Variants in EPS15L1 observed in about 807,000 individuals in gnomAD.
The protein encoded by EPS15L1 is epidermal growth factor receptor pathway substrate 15 like 1.
EPS15L1 carries 43 observed loss-of-function variants against 117.1 expected under a neutral mutation model. That is an observed-to-expected ratio of 0.37 (90% CI 0.29 to 0.47). The LOEUF (loss-of-function observed/expected upper bound fraction) is 0.47. Among genes scored for constraint, EPS15L1 ranks in the 20% least tolerant of loss-of-function variants. The pLI is 0.99. For synonymous variants in EPS15L1, 459 were observed against 470.5 expected (o/e 0.98, Z 0.32); for missense variants, 981 against 1,164.0 (o/e 0.84, Z 2.29).
In EPS15L1 at chr19:16,437,005, AAG is replaced by A. The variant is rs1568450480; in HGVS notation, c.310-8_310-7del. On this transcript the variant is annotated splice_polypyrimidine_tract_variant and splice_region_variant and intron_variant, in intron 5 of 23. Transcript: ENST00000455140. ...AGAGGGCTGCTGGTGTCGTGCTGAG[AAG>A]AGAGAGAAACATTCCTTTGTGGCTG... 3.1e-6 allele frequency: 5 copies of A among 1,613,568 alleles called. No individual in the cohort carries two copies. The highest frequency in any genetic ancestry group is 4.2e-6 in the Non-Finnish European group (5 of 1,179,508).
At chr19:16,456,485 T>A (rs1359999746) in intron 1 of EPS15L1, among the ~76,000 whole-genome samples, 2 of 151,968 alleles carry the variant, frequency 1.3e-5, no homozygotes, top group Admixed American at 6.6e-5. Flanking sequence ...GGTGAAACTC[T>A]ATCTCTACTA....
intron 10 of EPS15L1, among the ~76,000 whole-genome samples, chr19:16,418,661 A>G (rs1227971889): frequency 6.6e-6 from 1 of 152,214 alleles, no homozygotes; most frequent in Non-Finnish European, 1.5e-5. Context: ...TCCTATGTCC[A>G]AATCCTATCC....
In EPS15L1 at chr19:16,381,776, C is replaced by A. The variant is rs976799348; in HGVS notation, c.2247+3353G>T. ...AAAGAATGGGGGAAAAACACTGGCC[C>A]GTCTGTGGGTGCTTCTGCGATTCAT... On this transcript the variant is annotated intron_variant, in intron 21 of 23. Transcript: ENST00000455140. This position sits in a 1 kb window ranked among gnomAD's most constrained non-coding sequence, Gnocchi z 4.2. Among the ~76,000 whole-genome samples, 1 of 152,192 alleles carries A rather than the reference C, an allele frequency of 6.6e-6. No individual in the cohort carries two copies. The highest frequency in any genetic ancestry group is 2.4e-5 in the African/African-American group (1 of 41,436).
At chr19:16,437,404 G>A (rs966108967) in intron 5 of EPS15L1, among the ~76,000 whole-genome samples, 14 of 152,208 alleles carry the variant, frequency 9.2e-5, no homozygotes, top group Non-Finnish European at 1.2e-4. Context: ...CCATGTTAGA[G>A]AATTCCATTG....
In EPS15L1 at chr19:16,383,687, GC is replaced by G. The variant is rs2144732886; in HGVS notation, c.2247+1441del. On this transcript the variant is annotated intron_variant, in intron 21 of 23. Transcript: ENST00000455140. This position sits in a 1 kb window ranked among gnomAD's most constrained non-coding sequence, Gnocchi z 5.2. ...CTCGGTCAGAAGTGGGATCTGCTGCGCCGCCAGGGCACGCACACACGCGTCT... is the reference window on the plus strand; with the variant it reads ...CTCGGTCAGAAGTGGGATCTGCTGCGCGCCAGGGCACGCACACACGCGTCT... 6.6e-6 allele frequency: 1 copy of G among 152,370 alleles called. No homozygotes were observed. Among genetic ancestry groups the G allele is most frequent in the East Asian group, 1.9e-4 (1 of 5,178 alleles). The allele number at this position is 152,370 out of a possible 1,614,324, so 9.4% of individuals were successfully genotyped here.
intron 13 of EPS15L1, among the ~76,000 whole-genome samples, chr19:16,410,049 A>C (rs2144873421): frequency 6.6e-6 from 1 of 151,370 alleles, no homozygotes; most frequent in Non-Finnish European, 1.5e-5. Flanking sequence ...CACGAAAATC[A>C]TTTGAACCCA....
At chr19:16,432,644 T>C (rs1165884374) in intron 7 of EPS15L1, among the ~76,000 whole-genome samples, 2 of 150,662 alleles carry the variant, frequency 1.3e-5, no homozygotes, top group Non-Finnish European at 3.0e-5. Context: ...TTGTGGTGCA[T>C]GCCTGTAATC....
rs2092635997 is a variant in EPS15L1 at position 16,404,570 on chromosome 19, G to A, written c.1428+18C>T. 1 of 1,613,646 alleles carries A rather than the reference G, an allele frequency of 6.2e-7. No individual in the cohort carries two copies. Among genetic ancestry groups the A allele is most frequent in the African/African-American group, 1.3e-5 (1 of 74,918 alleles). ...TGCCTGTGCATAGGGCGCTGCCCCGGAGGTGGCCGGGACCCACCATCTGAG... is the reference window on the plus strand; with the variant it reads ...TGCCTGTGCATAGGGCGCTGCCCCGAAGGTGGCCGGGACCCACCATCTGAG... On this transcript the variant is annotated intron_variant, in intron 14 of 23. Coordinates refer to ENST00000455140, the MANE Select transcript of EPS15L1 (RefSeq NM_001258374.3). The surrounding 1 kb of genome is among the most constrained non-coding windows in gnomAD (Gnocchi z 4.2).
chr19:16,413,111 G>C, intron 13 of EPS15L1: 3 of 681,824 alleles, frequency 4.4e-6, no homozygotes, highest in Non-Finnish European at 8.1e-6. Context: ...ACATCGGTCT[G>C]GGTATTAAGT....
At chr19:16,465,126 A>G (rs1265817679) in intron 1 of EPS15L1, among the ~76,000 whole-genome samples, 1 of 152,038 alleles carries the variant, frequency 6.6e-6, no homozygotes, top group South Asian at 2.1e-4. Context: ...GTTTTAGGAA[A>G]GTTTACAAAT....
At chr19:16,369,129 CAT>C (rs1349171200) in intron 22 of EPS15L1, among the ~76,000 whole-genome samples, 10 of 152,330 alleles carry the variant, frequency 6.6e-5, no homozygotes, top group Admixed American at 4.6e-4. Flanking sequence ...ATCTAAGACA[CAT>C]GAGGGGAGTT....
At chr19:16,419,717 G>A (rs1264616470) in intron 10 of EPS15L1, among the ~76,000 whole-genome samples, 1 of 152,252 alleles carries the variant, frequency 6.6e-6, no homozygotes, top group Admixed American at 6.5e-5. Context: ...GAGCTGCGGA[G>A]AATGAGCAGA....
At chr19:16,470,911 A>G (rs1031062114) in intron 1 of EPS15L1, among the ~76,000 whole-genome samples, 3 of 152,168 alleles carry the variant, frequency 2.0e-5, no homozygotes, top group Admixed American at 2.0e-4. Flanking sequence ...TAATCCCAAC[A>G]CATTTTTATA....
Position 16,471,872 on chromosome 19 carries a change from CCCGCACCCCGGCG to C in EPS15L1, c.33+28_33+40del. ...CCTCGCCGCACCGCTCGCCTCGCGCCCCGCACCCCGGCGCCGCCCCCAGGCCCGCCCGGCCCGT... is the reference window on the plus strand; with the variant it reads ...CCTCGCCGCACCGCTCGCCTCGCGCCCCGCCCCCAGGCCCGCCCGGCCCGT... On this transcript the variant is annotated intron_variant, in intron 1 of 23. Transcript: ENST00000455140. The surrounding 1 kb of genome is among the most constrained non-coding windows in gnomAD (Gnocchi z 4.8). 1 of 1,234,100 alleles carries C rather than the reference CCCGCACCCCGGCG, an allele frequency of 8.1e-7. No individual in the cohort carries two copies. 76.4% of individuals were successfully genotyped at this position (1,234,100 alleles called of 1,614,324 possible).
At chr19:16,419,456 CA>C (rs796242279) in intron 10 of EPS15L1, among the ~76,000 whole-genome samples, 93 of 138,494 alleles carry the variant, frequency 6.7e-4, no homozygotes, top group Admixed American at 9.4e-4. Context: ...GTCTCTGTCT[CA>C]AAAAAAAAAA....
chr19:16,452,226 A>ACCGGAAT (rs2093152161), intron 1 of EPS15L1, among the ~76,000 whole-genome samples: 4 of 151,526 alleles, frequency 2.6e-5, no homozygotes, highest in Admixed American at 2.6e-4. Context: ...TGGGTAGATC[A>ACCGGAAT]CCTGAGGTCA....
intron 1 of EPS15L1, among the ~76,000 whole-genome samples, chr19:16,459,526 T>C (rs1269650663): frequency 2.6e-5 from 4 of 152,052 alleles, no homozygotes; most frequent in Non-Finnish European, 4.4e-5. Context: ...CAGTTGGTAG[T>C]GGGGAGCGGG....
In EPS15L1 at chr19:16,355,607, G is replaced by A. The variant is rs2091969845; in HGVS notation, c.*98C>T. ...AAGCCCCCGAGTCCCGGTCCTTGGA[G>A]TACGGTGGCGACGGTGTGTGTGTGT... On this transcript the variant is annotated 3_prime_UTR_variant, in exon 24 of 24. Coordinates refer to ENST00000455140, the MANE Select transcript of EPS15L1 (RefSeq NM_001258374.3). The A allele has an allele frequency of 2.9e-6, 4 of 1,400,948 alleles. No homozygotes were observed. Among genetic ancestry groups the A allele is most frequent in the Non-Finnish European group, 3.8e-6 (4 of 1,048,732 alleles). 86.8% of individuals were successfully genotyped at this position (1,400,948 alleles called of 1,614,324 possible).
chr19:16,375,498 C>T (rs2144693230), intron 22 of EPS15L1, among the ~76,000 whole-genome samples: 1 of 151,696 alleles, frequency 6.6e-6, no homozygotes, highest in East Asian at 1.9e-4. Flanking sequence ...GTGTGTGCTT[C>T]TGCTCCCATC....
Sources: gnomAD v4.1 joint callset for allele counts (sites outside exome capture counted in the v4.1 genomes callset) on GRCh38, gnomAD v4.1.1 for gene constraint, Gnocchi (gnomAD v3.1) non-coding constraint, MANE v1.5 for transcripts, NCBI Gene and HGNC (gene_info 2026-07-23, HGNC 2026-07-21) for gene names.